Variants in EFCAB5 observed in about 807,000 individuals in gnomAD.
EFCAB5 encodes the protein EF-hand calcium binding domain 5.
In EFCAB5, 131 loss-of-function variants were observed where a neutral mutation model predicts 167.9. The observed-to-expected ratio is 0.78, with a 90% CI of 0.68 to 0.90. The LOEUF is 0.90. Ranked by LOEUF, EFCAB5 falls within the 40% of genes least tolerant of loss-of-function variation. EFCAB5 has a pLI of 0.00. For synonymous variants in EFCAB5, 574 were observed against 602.8 expected, an observed-to-expected ratio of 0.95 and a Z score of 0.70; for missense variants, 1,663 against 1,745.2, an observed-to-expected ratio of 0.95 and a Z score of 0.84.
intron 3 of EFCAB5, chr17:29,968,428 C>T (rs1012113958): frequency 7.3e-6 from 3 of 413,686 alleles, no homozygotes; most frequent in African/African-American, 4.2e-5. Context: ...GATAATAAAA[C>T]AGAGCCTCAA....
intron 7 of EFCAB5, among the ~76,000 whole-genome samples, chr17:30,005,651 A>G (rs956223123): frequency 1.3e-5 from 2 of 152,154 alleles, no homozygotes; most frequent in Non-Finnish European, 2.9e-5. Flanking sequence ...TTAAAAACTG[A>G]ATTCCCTGCC....
Position 30,093,057 on chromosome 17 carries a change from G to T in EFCAB5, c.4321+121G>T, listed in dbSNP as rs1176086525. 9 of 629,368 alleles carry T rather than the reference G, an allele frequency of 1.4e-5. No individual in the cohort carries two copies. In the Admixed American group the frequency reaches 1.8e-4, roughly 12 times the overall value. The allele number at this position is 629,368 out of a possible 1,614,324, so 39.0% of individuals were successfully genotyped here. On this transcript the variant is annotated intron_variant, in intron 22 of 22. Coordinates refer to ENST00000394835, the MANE Select transcript of EFCAB5 (RefSeq NM_198529.4). ...AGTTTTTAGGAGAAAATAGTTATAA[G>T]TCTTCTAAGAGGAGGGACACTATGT...
Position 30,091,982 on chromosome 17 carries a change from T to C in EFCAB5, c.4049T>C (p.Leu1350Pro), listed in dbSNP as rs1178138562. The C allele has an allele frequency of 2.5e-6, 4 of 1,613,996 alleles. No individual in the cohort carries two copies. Among genetic ancestry groups the C allele is most frequent in the Non-Finnish European group, 2.5e-6 (3 of 1,179,874 alleles). The stretch of plus-strand genomic sequence containing the variant: ...CTCAATTCCATGGAATTTGTGTCAC[T>C]GTTGCTCTATGACCATACTCTTGTA... ...QLLNSMEFVSLLLYDHTLVTE... is the reference protein window; with the variant it reads ...QLLNSMEFVSPLLYDHTLVTE... Residue 1350 changes from leucine (L) to proline (P), a missense_variant, in exon 21 of 23, where the codon CTG becomes CCG. Transcript: ENST00000394835.
chr17:29,957,114 G>A (rs769073110), intron 3 of EFCAB5, among the ~76,000 whole-genome samples: 1 of 151,904 alleles, frequency 6.6e-6, no homozygotes, highest in Non-Finnish European at 1.5e-5. Flanking sequence ...ATTCTGTTGA[G>A]GTATATTCCT....
rs771054528 is a variant in EFCAB5 at position 30,056,049 on chromosome 17, A to G, written c.2273-15A>G. The G allele has an allele frequency of 1.9e-6, 3 of 1,613,032 alleles. No homozygotes were observed. The highest frequency in any genetic ancestry group is 2.7e-5 in the African/African-American group (2 of 74,888). On this transcript the variant is annotated splice_polypyrimidine_tract_variant and intron_variant, in intron 11 of 22. Coordinates refer to ENST00000394835, the MANE Select transcript of EFCAB5 (RefSeq NM_198529.4). The stretch of plus-strand genomic sequence containing the variant: ...CGAAGTTTGATTGGCTATGTTATGG[A>G]ATGTGTTTTTACAGGTGAATTTTTT...
In EFCAB5 at chr17:30,090,499, A is replaced by G; in HGVS notation, c.3762A>G (p.Pro1254=). ...SACGETHIVV[P]LRERTGEALG... ...GTGGAGAAACGCATATAGTAGTTCC[A>G]CTTCGTGAGAGAACAGGAGAGGCTC... The change falls in exon 20 of 23, where the codon CCA becomes CCG. Residue 1254 remains proline (P), a synonymous_variant. Coordinates refer to ENST00000394835, the MANE Select transcript of EFCAB5 (RefSeq NM_198529.4). The G allele has an allele frequency of 6.2e-7, 1 of 1,614,028 alleles. No individual in the cohort carries two copies. The highest frequency in any genetic ancestry group is 8.5e-7 in the Non-Finnish European group (1 of 1,179,890).
intron 7 of EFCAB5, among the ~76,000 whole-genome samples, chr17:30,021,587 C>T (rs1323403020): frequency 6.6e-6 from 1 of 151,176 alleles, no homozygotes; most frequent in Non-Finnish European, 1.5e-5. Context: ...ATTAGTTTTC[C>T]TGAAATTTCC....
intron 7 of EFCAB5, among the ~76,000 whole-genome samples, chr17:30,014,401 G>A (rs1380481804): frequency 6.6e-6 from 1 of 152,148 alleles, no homozygotes; most frequent in Non-Finnish European, 1.5e-5. Context: ...ACAGTGGGGT[G>A]TTAAAGTCTC....
At chr17:29,996,510 T>G in intron 6 of EFCAB5, 150 bp downstream of exon 6, 1 of 622,772 alleles carries the variant, frequency 1.6e-6, no homozygotes, top group Non-Finnish European at 2.8e-6. Context: ...AGATACAGAA[T>G]GTATACAAGC....
chr17:29,990,749 C>T (rs1194578123), intron 4 of EFCAB5, among the ~76,000 whole-genome samples: 1 of 152,164 alleles, frequency 6.6e-6, no homozygotes, highest in Non-Finnish European at 1.5e-5. Flanking sequence ...TGTATCCTAA[C>T]AGAGAACTGC....
chr17:30,050,140 CT>C (rs1014362189), intron 8 of EFCAB5, among the ~76,000 whole-genome samples: 216 of 141,030 alleles, frequency 1.5e-3, no homozygotes, highest in Middle Eastern at 3.7e-3. Context: ...ACTTTTTTTT[CT>C]TTTTTTTTTT....
At chr17:30,086,647 C>A (rs572154273) in intron 18 of EFCAB5, among the ~76,000 whole-genome samples, 107 of 152,132 alleles carry the variant, frequency 7.0e-4, no homozygotes, top group African/African-American at 2.5e-3. Context: ...AATCTCAGCA[C>A]TTTGGGAGGC....
chr17:30,091,416 G>T (rs1054596651), intron 20 of EFCAB5, among the ~76,000 whole-genome samples: 3 of 152,102 alleles, frequency 2.0e-5, no homozygotes, highest in Non-Finnish European at 4.4e-5. Flanking sequence ...TCATAGAGTG[G>T]GATAAGAAGA....
chr17:29,978,732 T>C (rs2068110340), intron 4 of EFCAB5, among the ~76,000 whole-genome samples: 1 of 152,242 alleles, frequency 6.6e-6, no homozygotes, highest in African/African-American at 2.4e-5. Context: ...CTAAGACTAT[T>C]GAGAATGTCC....
At chr17:30,051,403 C>T (rs1210906175) in intron 9 of EFCAB5, among the ~76,000 whole-genome samples, 186 bp downstream of exon 9, 1 of 152,156 alleles carries the variant, frequency 6.6e-6, no homozygotes, top group Non-Finnish European at 1.5e-5. Flanking sequence ...ATTCACTCTT[C>T]ATCACAACTA....
chr17:30,041,473 A>C (rs2069772868), intron 8 of EFCAB5, among the ~76,000 whole-genome samples: 1 of 152,238 alleles, frequency 6.6e-6, no homozygotes, highest in African/African-American at 2.4e-5. Flanking sequence ...TGAATGCATG[A>C]CAAATTTTTT....
intron 4 of EFCAB5, among the ~76,000 whole-genome samples, chr17:29,981,974 A>G (rs571937135): frequency 1.3e-5 from 2 of 152,366 alleles, no homozygotes; most frequent in East Asian, 3.9e-4. Context: ...TTCTTAAATC[A>G]TTAAATTATA....
chr17:30,034,646 T>C (rs1228596572), intron 8 of EFCAB5, among the ~76,000 whole-genome samples: 1 of 151,808 alleles, frequency 6.6e-6, no homozygotes, highest in Non-Finnish European at 1.5e-5. Context: ...ATAGATAAGA[T>C]GCAAAAACAA....
At chr17:29,929,912 C>G (rs770322310) in intron 1 of EFCAB5, 105 of 1,573,262 alleles carry the variant, frequency 6.7e-5, no homozygotes, top group Non-Finnish European at 8.5e-5. Context: ...CAGAAGCAAG[C>G]GGAGCGGCCG....
Sources: allele counts gnomAD v4.1 joint callset (sites outside exome capture counted in the v4.1 genomes callset), GRCh38; gene constraint gnomAD v4.1.1; transcripts MANE v1.5; gene names NCBI Gene and HGNC (gene_info 2026-07-23, HGNC 2026-07-21).